ARHGEF12: variants seen among roughly 807,000 people sequenced by gnomAD.
The protein encoded by ARHGEF12 is Rho guanine nucleotide exchange factor 12, also known as KMT2A/ARHGEF12 fusion protein.
ARHGEF12 carries 66 observed loss-of-function variants against 211.2 expected under a neutral mutation model. The observed-to-expected ratio is 0.31, with a 90% CI of 0.26 to 0.38. ARHGEF12 has a LOEUF of 0.38. ARHGEF12 is among the 10% of genes least tolerant of loss of function. ARHGEF12 has a pLI of 1.00. For missense variants in ARHGEF12, 1,429 were observed against 1,869.5 expected, an observed-to-expected ratio of 0.76 and a Z score of 4.34; for synonymous variants, 592 against 638.4, an observed-to-expected ratio of 0.93 and a Z score of 1.09.
At chr11:120,417,988 G>A (rs1945080526) in intron 4 of ARHGEF12, among the ~76,000 whole-genome samples, 1 of 152,144 alleles carries the variant, frequency 6.6e-6, no homozygotes, top group South Asian at 2.1e-4. Context: ...TGTGAGAGTG[G>A]TGAATATGTT....
intron 4 of ARHGEF12, 105 bp downstream of exon 4, chr11:120,409,555 C>G (rs1944819927): frequency 8.5e-7 from 1 of 1,179,974 alleles, no homozygotes; most frequent in Non-Finnish European, 1.2e-6. Context: ...ATAACTGCAG[C>G]CTTTCTTGTG....
In ARHGEF12 at chr11:120,337,023, C is replaced by A. The variant is rs1942370338; in HGVS notation, c.-221C>A. 2 of 607,280 alleles carry A rather than the reference C, an allele frequency of 3.3e-6. No individual in the cohort carries two copies. Among genetic ancestry groups the A allele is most frequent in the Non-Finnish European group, 5.9e-6 (2 of 338,068 alleles). 37.6% of individuals were successfully genotyped at this position (607,280 alleles called of 1,614,324 possible). A position where few individuals can be genotyped will look rare whatever the true frequency, so the allele number is the denominator to read the frequency against. ...CGACTCACTCTGGACTGACTCGCTC[C>A]CTGGCTTTCTCAGTTCGTTTTGGGA... is the stretch of plus-strand genomic sequence containing the variant. On this transcript the variant is annotated 5_prime_UTR_variant, in exon 1 of 41. Transcript: ENST00000397843.
chr11:120,387,263 G>C (rs940888330), intron 1 of ARHGEF12, among the ~76,000 whole-genome samples: 1 of 151,812 alleles, frequency 6.6e-6, no homozygotes, highest in East Asian at 1.9e-4. Flanking sequence ...GAGGGTGATA[G>C]AGTGCATATC....
At chr11:120,473,562 C>A (rs933130019) in intron 31 of ARHGEF12, among the ~76,000 whole-genome samples, 2 of 152,090 alleles carry the variant, frequency 1.3e-5, no homozygotes, top group African/African-American at 4.8e-5. Context: ...GCCACCATAC[C>A]CAGCTAATTC....
chr11:120,346,756 G>C (rs1232784113), intron 1 of ARHGEF12, among the ~76,000 whole-genome samples: 1 of 152,126 alleles, frequency 6.6e-6, no homozygotes, highest in East Asian at 1.9e-4. Context: ...ATGGTATGAT[G>C]AACCTCCCTT....
chr11:120,403,810 A>T (rs1944614541), intron 1 of ARHGEF12, among the ~76,000 whole-genome samples: 1 of 152,248 alleles, frequency 6.6e-6, no homozygotes, highest in African/African-American at 2.4e-5. Flanking sequence ...AGATATTGTC[A>T]TGATTTCATG....
At chr11:120,465,385 GA>G (rs771462236) in intron 28 of ARHGEF12, 23 bp downstream of exon 28, 9 of 1,606,090 alleles carry the variant, frequency 5.6e-6, no homozygotes, top group East Asian at 2.2e-5. Context: ...AGTCATGTAA[GA>G]AAAAAAATAA....
intron 21 of ARHGEF12, chr11:120,450,137 AAGGCGGGAGGATCACTTG>A (rs1946161063): frequency 6.6e-6 from 1 of 152,252 alleles, no homozygotes; most frequent in Non-Finnish European, 1.5e-5. Context: ...TTGCAAGGCC[AAGGCGGGAGGATCACTTG>A]AGCCTGGGAG....
intron 4 of ARHGEF12, among the ~76,000 whole-genome samples, chr11:120,415,681 T>A (rs2135630458): frequency 6.6e-6 from 1 of 152,340 alleles, no homozygotes; most frequent in African/African-American, 2.4e-5. Flanking sequence ...TTTGAGCATT[T>A]GAAGGACTGG....
At chr11:120,441,174 T>C (rs1284372637) in intron 13 of ARHGEF12, among the ~76,000 whole-genome samples, 1 of 152,116 alleles carries the variant, frequency 6.6e-6, no homozygotes, top group Admixed American at 6.6e-5. Flanking sequence ...GGTTTGATAG[T>C]TGGGGGTAAT....
chr11:120,475,026 G>A (rs2135974683), intron 32 of ARHGEF12, among the ~76,000 whole-genome samples: 1 of 152,192 alleles, frequency 6.6e-6, no homozygotes, highest in Admixed American at 6.5e-5. Context: ...TGCAGTCATG[G>A]TGCACTGCTG....
chr11:120,471,694 A>G (rs1176355845), intron 30 of ARHGEF12, among the ~76,000 whole-genome samples: 1 of 152,234 alleles, frequency 6.6e-6, no homozygotes, highest in Non-Finnish European at 1.5e-5. Context: ...TTTGAAATGC[A>G]TCCAAAAAAT....
chr11:120,345,711 A>AC (rs981837334), intron 1 of ARHGEF12, among the ~76,000 whole-genome samples: 10 of 151,520 alleles, frequency 6.6e-5, no homozygotes, highest in Non-Finnish European at 1.0e-4. Flanking sequence ...CAAAAAAAAA[A>AC]AAAAAAAAAA....
intron 3 of ARHGEF12, 190 bp downstream of exon 3, chr11:120,408,013 A>G (rs1944764696): frequency 2.1e-6 from 1 of 483,142 alleles, no homozygotes; most frequent in Non-Finnish European, 3.6e-6. Flanking sequence ...CCAACACTGT[A>G]CATTCCACTA....
At chr11:120,398,589 T>A (rs1944459556) in intron 1 of ARHGEF12, among the ~76,000 whole-genome samples, 1 of 152,184 alleles carries the variant, frequency 6.6e-6, no homozygotes, top group Non-Finnish European at 1.5e-5. Flanking sequence ...TGTGTGTGTG[T>A]GATAAACTAG....
chr11:120,420,544 G>A (rs1945154184), intron 4 of ARHGEF12, among the ~76,000 whole-genome samples: 2 of 152,102 alleles, frequency 1.3e-5, no homozygotes, highest in African/African-American at 2.4e-5. Context: ...ATTATACTCC[G>A]CCAGTGAGAA....
intron 40 of ARHGEF12, among the ~76,000 whole-genome samples, chr11:120,484,786 T>C (rs1241854519): frequency 1.3e-5 from 2 of 152,154 alleles, no homozygotes; most frequent in African/African-American, 2.4e-5. Context: ...GCCTGGTAAA[T>C]CACAGATTCG....
intron 15 of ARHGEF12, among the ~76,000 whole-genome samples, chr11:120,443,186 T>A (rs975004892): frequency 6.6e-6 from 1 of 152,064 alleles, no homozygotes; most frequent in Admixed American, 6.5e-5. Context: ...CATGCCTGGC[T>A]AATTTTTGTA....
At chr11:120,414,532 G>A (rs1944974180) in intron 4 of ARHGEF12, among the ~76,000 whole-genome samples, 1 of 152,072 alleles carries the variant, frequency 6.6e-6, no homozygotes, top group South Asian at 2.1e-4. Flanking sequence ...GAGATACAAA[G>A]ATATAAGTGA....
Sources: allele counts gnomAD v4.1 joint callset (sites outside exome capture counted in the v4.1 genomes callset), GRCh38; gene constraint gnomAD v4.1.1; transcripts MANE v1.5; gene names NCBI Gene and HGNC (gene_info 2026-07-23, HGNC 2026-07-21).